STK39: variants seen among roughly 807,000 people sequenced by gnomAD.
STK39 encodes the protein STE20/SPS1-related proline-alanine-rich protein kinase.
In STK39, 20 loss-of-function variants were observed where a neutral mutation model predicts 77.8. The ratio of observed to expected loss-of-function variants is 0.26; its 90% CI spans 0.18 to 0.37. The LOEUF (loss-of-function observed/expected upper bound fraction) is 0.37. STK39 is among the 10% of genes least tolerant of loss of function. The probability of loss-of-function intolerance (pLI) is 1.00; values close to 1 mark genes in which losing one functional copy is unlikely to be tolerated. For synonymous variants in STK39, 246 were observed against 234.1 expected, an observed-to-expected ratio of 1.05 and a Z score of -0.47; for missense variants, 479 against 656.5, an observed-to-expected ratio of 0.73 and a Z score of 2.95.
chr2:168,095,013 C>T (rs1428945498), intron 10 of STK39, among the ~76,000 whole-genome samples: 2 of 152,180 alleles, frequency 1.3e-5, no homozygotes, highest in African/African-American at 4.8e-5. Context: ...CCAAGTCTAG[C>T]ACTTCAATGT....
At chr2:168,144,452 T>C (rs1688078604) in intron 5 of STK39, among the ~76,000 whole-genome samples, 1 of 151,880 alleles carries the variant, frequency 6.6e-6, no homozygotes. Flanking sequence ...TACAGGCATG[T>C]GCTACCATGC....
chr2:168,086,249 C>G (rs551651795), intron 10 of STK39, among the ~76,000 whole-genome samples: 2,253 of 152,272 alleles, frequency 0.015, 49 homozygotes, highest in African/African-American at 0.052. Context: ...ATAACAGACT[C>G]TACCACACAC....
intron 1 of STK39, among the ~76,000 whole-genome samples, chr2:168,204,563 T>A (rs114945915): frequency 0.024 from 3,668 of 152,290 alleles, 89 homozygotes; most frequent in East Asian, 0.078. Flanking sequence ...GAGGAAACGA[T>A]TCTGAAGTGC....
chr2:168,208,596 G>A (rs1169835788), intron 1 of STK39, among the ~76,000 whole-genome samples: 1 of 152,120 alleles, frequency 6.6e-6, no homozygotes, highest in Admixed American at 6.5e-5. Flanking sequence ...TAGTTCCAAT[G>A]TCTTCTCCAA....
intron 10 of STK39, among the ~76,000 whole-genome samples, chr2:168,093,496 G>GC (rs1686581122): frequency 6.6e-6 from 1 of 152,102 alleles, no homozygotes; most frequent in Admixed American, 6.5e-5. Flanking sequence ...GGGAAAACCC[G>GC]CCCCCATGAT....
In STK39 at chr2:168,141,568, T is replaced by G. The variant is rs140922062; in HGVS notation, c.629-810A>C. On this transcript the variant is annotated intron_variant, in intron 5 of 17. Transcript: ENST00000355999. ...TTAACGTACTATTCTTGCTTTCATT[T>G]TTACACAGTGGTTAAAAGTAGTTGA... Among the ~76,000 whole-genome samples the G allele has an allele frequency of 5.3e-5, 8 of 152,366 alleles. No individual in the cohort carries two copies. In the East Asian group the frequency reaches 9.6e-4, roughly 18 times the overall value.
chr2:168,136,554 A>C (rs1687847621), intron 8 of STK39, among the ~76,000 whole-genome samples: 1 of 152,172 alleles, frequency 6.6e-6, no homozygotes, highest in Admixed American at 6.6e-5. Flanking sequence ...GACATTACAA[A>C]TCACAACCAC....
In STK39 at chr2:168,247,534, G is replaced by A. The variant is rs1473719115; in HGVS notation, c.-99C>T. The A allele has an allele frequency of 4.6e-5, 22 of 474,672 alleles. 1 individual carries two copies. The highest frequency in any genetic ancestry group is 4.9e-5 in the Non-Finnish European group (18 of 368,954). The allele number at this position is 474,672 out of a possible 1,614,324, so 29.4% of individuals were successfully genotyped here. On this transcript the variant is annotated 5_prime_UTR_variant, in exon 1 of 18. Coordinates refer to ENST00000355999, the MANE Select transcript of STK39 (RefSeq NM_013233.3). ...CGCCGACACCTCTCGGCCGGCGCAC[G>A]CCCTCCCCGCCCGCCGCCGCCGCCG...
chr2:168,133,729 G>A (rs185896172), intron 8 of STK39, among the ~76,000 whole-genome samples: 32 of 152,128 alleles, frequency 2.1e-4, no homozygotes, highest in African/African-American at 7.2e-4. Context: ...GTGATGGCGG[G>A]CACCTGTAAT....
At chr2:168,209,441 C>T (rs1031852061) in intron 1 of STK39, among the ~76,000 whole-genome samples, 7 of 151,968 alleles carry the variant, frequency 4.6e-5, no homozygotes, top group African/African-American at 1.2e-4. Context: ...CTTTGGGAGG[C>T]GGAGGTGGGC....
At chr2:168,126,616 T>C (rs1436802087) in intron 10 of STK39, among the ~76,000 whole-genome samples, 2 of 152,078 alleles carry the variant, frequency 1.3e-5, no homozygotes, top group Admixed American at 6.5e-5. Context: ...ATGCCAAGCA[T>C]TGTGGGGGTT....
At chr2:167,983,360 T>C (rs1358461212) in intron 16 of STK39, among the ~76,000 whole-genome samples, 1 of 149,954 alleles carries the variant, frequency 6.7e-6, no homozygotes. Context: ...ATGCCTGTAA[T>C]GCCAGCTACT....
At chr2:168,160,047 T>C (rs1004832186) in intron 5 of STK39, among the ~76,000 whole-genome samples, 1 of 152,106 alleles carries the variant, frequency 6.6e-6, no homozygotes, top group Non-Finnish European at 1.5e-5. Context: ...GGATTCTTAC[T>C]GGGAAAAAGA....
At chr2:168,078,197 G>A (rs1574446017) in intron 10 of STK39, among the ~76,000 whole-genome samples, 1 of 152,242 alleles carries the variant, frequency 6.6e-6, no homozygotes, top group Admixed American at 6.5e-5. Flanking sequence ...GCAGTAGTAA[G>A]GTTAGAAAAT....
chr2:168,182,965 A>G (rs1559136712), intron 1 of STK39, among the ~76,000 whole-genome samples: 1 of 152,180 alleles, frequency 6.6e-6, no homozygotes, highest in African/African-American at 2.4e-5. Flanking sequence ...AGAGGTGACA[A>G]TCTTTCTCCC....
At chr2:167,979,691 C>T (rs1463740331) in intron 16 of STK39, among the ~76,000 whole-genome samples, 2 of 152,228 alleles carry the variant, frequency 1.3e-5, no homozygotes, top group Non-Finnish European at 2.9e-5. Flanking sequence ...GGCATAGCTC[C>T]AGCAGCATCA....
intron 14 of STK39, among the ~76,000 whole-genome samples, chr2:168,041,876 A>G (rs937803238): frequency 1.3e-5 from 2 of 152,196 alleles, no homozygotes; most frequent in Non-Finnish European, 2.9e-5. Context: ...CTAAGAAAAA[A>G]TAACTCAAGA....
chr2:168,069,620 A>G (rs1282657115), intron 12 of STK39, among the ~76,000 whole-genome samples: 1 of 152,228 alleles, frequency 6.6e-6, no homozygotes, highest in Non-Finnish European at 1.5e-5. Context: ...AATTTTGAGC[A>G]CACCAGCTTC....
At chr2:168,181,830 A>C in intron 2 of STK39, 148 bp downstream of exon 2, 1 of 621,764 alleles carries the variant, frequency 1.6e-6, no homozygotes, top group Non-Finnish European at 2.9e-6. Flanking sequence ...AGTCCCATTA[A>C]TCTGGGGAGC....
Sources: gnomAD v4.1 joint callset for allele counts (sites outside exome capture counted in the v4.1 genomes callset) on GRCh38, gnomAD v4.1.1 for gene constraint, MANE v1.5 for transcripts, NCBI Gene and HGNC (gene_info 2026-07-23, HGNC 2026-07-21) for gene names.